ANK1: variants seen among roughly 807,000 people sequenced by gnomAD.
The protein encoded by ANK1 is ankyrin-1.
Under a neutral mutation model 210.4 loss-of-function variants are expected in ANK1, and 51 were observed. The ratio of observed to expected loss-of-function variants is 0.24; its 90% CI spans 0.19 to 0.31. The LOEUF (loss-of-function observed/expected upper bound fraction) is 0.31. ANK1 is among the 10% of genes least tolerant of loss of function. ANK1 has a pLI of 1.00. For synonymous variants in ANK1, 967 were observed against 1,025.9 expected (o/e 0.94, Z 1.10); for missense variants, 2,051 against 2,504.4 (o/e 0.82, Z 3.86).
chr8:41,703,450 A>ATATATATATATATTTT (rs59985416), intron 20 of ANK1, among the ~76,000 whole-genome samples: 8 of 58,820 alleles, frequency 1.4e-4, no homozygotes, highest in Admixed American at 7.3e-4. Context: ...ATATATATAT[A>ATATATATATATATTTT]TTTTTTTTTT....
chr8:41,748,072 A>G (rs1356573038), intron 2 of ANK1, among the ~76,000 whole-genome samples: 1 of 152,150 alleles, frequency 6.6e-6, no homozygotes, highest in Non-Finnish European at 1.5e-5. Context: ...CACCTGCTCT[A>G]ACCAACTCTC....
rs1173886736 is a variant in ANK1, at chr8:41,797,299, A to C, written c.27+213T>G. On this transcript the variant is annotated intron_variant, in intron 1 of 42. Transcript: ENST00000289734. The surrounding 1 kb of genome is among the most constrained non-coding windows in gnomAD (Gnocchi z 4.0). ...GACAGCAAATCTCTGGATGTAAAAA[A>C]TATGAAACTGGCTTCAGCGAGTAGG... Among the ~76,000 whole-genome samples, 1 of 152,252 alleles carries C rather than the reference A, an allele frequency of 6.6e-6. No individual in the cohort carries two copies. Among genetic ancestry groups the C allele is most frequent in the African/African-American group, 2.4e-5 (1 of 41,468 alleles).
intron 2 of ANK1, among the ~76,000 whole-genome samples, chr8:41,742,072 C>A (rs1272249743): frequency 1.3e-5 from 2 of 152,166 alleles, no homozygotes; most frequent in East Asian, 3.9e-4. Flanking sequence ...GGCTATGTTT[C>A]TTTTAACATT....
chr8:41,714,831 G>T, intron 15 of ANK1, 145 bp downstream of exon 15: 1 of 845,988 alleles, frequency 1.2e-6, no homozygotes, highest in South Asian at 1.5e-5. Flanking sequence ...CTGCACTCCA[G>T]CCTGGGCAAC....
chr8:41,717,628 C>T lies in ANK1; in HGVS notation c.1281G>A (p.Gly427=), dbSNP rs1828067659. The T allele has an allele frequency of 6.4e-7, 1 of 1,551,582 alleles. No homozygotes were observed. The highest frequency in any genetic ancestry group is 1.2e-5 in the South Asian group (1 of 84,062). The stretch of plus-strand genomic sequence containing the variant: ...CCACGTTGGAGACGTTGGGCGACGC[C>T]CCCCGCTGCAGGAGGTTCTTCACGA... ...LPIVKNLLQR[G]ASPNVSNVKV... The change falls in exon 12 of 43, where the codon GGG becomes GGA. Residue 427 remains glycine (G), a synonymous_variant. Coordinates refer to ENST00000289734, the MANE Select transcript of ANK1 (RefSeq NM_000037.4).
At chr8:41,839,508 G>A (rs1587344452) in intron 1 of ANK1, among the ~76,000 whole-genome samples, 1 of 152,240 alleles carries the variant, frequency 6.6e-6, no homozygotes, top group African/African-American at 2.4e-5. Context: ...CAGGAAACAG[G>A]CTTGGCCTCC....
chr8:41,677,335 T>G (rs1354954535), intron 37 of ANK1, among the ~76,000 whole-genome samples: 1 of 152,138 alleles, frequency 6.6e-6, no homozygotes, highest in African/African-American at 2.4e-5. Context: ...TTTTTCTGCT[T>G]TCTGTGTCAC....
rs529028735 is a variant in ANK1 at position 41,694,333 on chromosome 8, G to T, written c.3328-231C>A. 6.6e-6 allele frequency among the ~76,000 whole-genome samples: 1 copy of T among 152,208 alleles called. No individual in the cohort carries two copies. The highest frequency in any genetic ancestry group is 2.4e-5 in the African/African-American group (1 of 41,450). On this transcript the variant is annotated intron_variant, in intron 28 of 42. Coordinates refer to ENST00000289734, the MANE Select transcript of ANK1 (RefSeq NM_000037.4). This position sits in a 1 kb window ranked among gnomAD's most constrained non-coding sequence, Gnocchi z 5.7. ...TTTGCTAGCACCACAGTCAACTCCC[G>T]GAGGTCATGCGGTTCCTGCATGCTG... is the stretch of plus-strand genomic sequence containing the variant.
At chr8:41,850,957 A>G (rs1182861514) in intron 1 of ANK1, among the ~76,000 whole-genome samples, 1 of 152,244 alleles carries the variant, frequency 6.6e-6, no homozygotes, top group Non-Finnish European at 1.5e-5. Flanking sequence ...AGGCGGGGTG[A>G]GTCAACACCA....
At chr8:41,752,873 C>T (rs973023414) in intron 2 of ANK1, among the ~76,000 whole-genome samples, 15 of 151,934 alleles carry the variant, frequency 9.9e-5, no homozygotes, top group Middle Eastern at 3.4e-3. Flanking sequence ...AAAGCACAAC[C>T]CTGATCACGT....
intron 9 of ANK1, among the ~76,000 whole-genome samples, chr8:41,721,205 CAG>C (rs1261289662): frequency 6.6e-6 from 1 of 152,160 alleles, no homozygotes; most frequent in Non-Finnish European, 1.5e-5. Flanking sequence ...TCCTTAGAAA[CAG>C]GGAGATTTGG....
At chr8:41,794,746 C>G (rs1276992400) in intron 1 of ANK1, among the ~76,000 whole-genome samples, 1 of 152,140 alleles carries the variant, frequency 6.6e-6, no homozygotes, top group South Asian at 2.1e-4. Context: ...ACTCTGTCAC[C>G]CAGGCTGGAG....
intron 1 of ANK1, among the ~76,000 whole-genome samples, chr8:41,883,440 A>ATGTTTGTTTGTTTGTT (rs10544043): frequency 1.4e-4 from 21 of 150,116 alleles, no homozygotes; most frequent in African/African-American, 5.2e-4. Context: ...GAAGGATCTC[A>ATGTTTGTTTGTTTGTT]TGTTTGTTTG....
rs191359357 is a variant in ANK1, at chr8:41,749,855, G to A, written c.129+8181C>T. ...TCGAACTCCTGACCTCAGGTGATCT[G>A]CCCGCCTCGGCTTCCCAAAGTGCTG... On this transcript the variant is annotated intron_variant, in intron 2 of 42. Transcript: ENST00000289734. Among the ~76,000 whole-genome samples the A allele has an allele frequency of 3.4e-4, 50 of 148,604 alleles. No individual in the cohort carries two copies. In the East Asian group the frequency reaches 9.7e-3, roughly 29 times the overall value.
chr8:41,734,025 C>T lies in ANK1; in HGVS notation c.174G>A (p.Val58=). 1 of 1,614,262 alleles carries T rather than the reference C, an allele frequency of 6.2e-7. No homozygotes were observed. Among genetic ancestry groups the T allele is most frequent in the Non-Finnish European group, 8.5e-7 (1 of 1,180,038 alleles). Residue 58 remains valine, a synonymous_variant, in exon 3 of 43, where the codon GTG becomes GTA. Transcript: ENST00000289734. ...TGTGCAGAAGTTCAACCACCATTTT[C>T]ACATGGCCTTCCTTAGAAGCCAGAT... The part of the protein sequence containing the change: ...GLHLASKEGH[V]KMVVELLHKE...
chr8:41,829,555 T>C (rs1393402232), intron 1 of ANK1: 1 of 152,210 alleles, frequency 6.6e-6, no homozygotes, highest in African/African-American at 2.4e-5. Context: ...GACCTGGTAT[T>C]TACAAATTAG....
intron 26 of ANK1, 133 bp from the exon 27 acceptor site, chr8:41,695,464 G>T (rs146550570): frequency 4.3e-5 from 55 of 1,285,678 alleles, no homozygotes; most frequent in Non-Finnish European, 5.5e-5. Context: ...CCACCTGCAG[G>T]CAGGTCTCTA....
At chr8:41,792,128 T>C (rs1847863111) in intron 1 of ANK1, among the ~76,000 whole-genome samples, 1 of 152,108 alleles carries the variant, frequency 6.6e-6, no homozygotes, top group Admixed American at 6.5e-5. Context: ...ATTCAGGAGA[T>C]AAATCAGCCT....
upstream of ANK1, among the ~76,000 whole-genome samples, chr8:41,800,618 ACCTCATGC>A (rs1331455108): frequency 6.6e-6 from 1 of 152,154 alleles, no homozygotes; most frequent in Non-Finnish European, 1.5e-5. Flanking sequence ...GATTCCATCG[ACCTCATGC>A]CCTGCTCCCC....
Sources: gnomAD v4.1 joint callset for allele counts (sites outside exome capture counted in the v4.1 genomes callset) on GRCh38, gnomAD v4.1.1 for gene constraint, Gnocchi (gnomAD v3.1) non-coding constraint, MANE v1.5 for transcripts, NCBI Gene and HGNC (gene_info 2026-07-23, HGNC 2026-07-21) for gene names.